SPAG16: variants seen among roughly 807,000 people sequenced by gnomAD.
SPAG16 encodes sperm associated antigen 16, also known as sperm-associated antigen 16 protein.
In SPAG16, 86 loss-of-function variants were observed where a neutral mutation model predicts 80.4. The observed-to-expected ratio is 1.07, with a 90% CI of 0.90 to 1.28. The LOEUF (loss-of-function observed/expected upper bound fraction) is 1.28, where lower values mean the gene tolerates loss of function less well. SPAG16 is among the 50% of genes most tolerant of loss of function. The pLI, the probability that SPAG16 is intolerant of heterozygous loss-of-function variation, is 0.00. For missense variants in SPAG16, 870 were observed against 765.3 expected, an observed-to-expected ratio of 1.14 and a Z score of -1.61; for synonymous variants, 294 against 265.9, an observed-to-expected ratio of 1.11 and a Z score of -1.03.
intron 3 of SPAG16, among the ~76,000 whole-genome samples, chr2:213,309,623 C>T (rs565461054): frequency 2.0e-5 from 3 of 152,026 alleles, no homozygotes; most frequent in South Asian, 2.1e-4. Context: ...AGATACAAAC[C>T]GGAACATAAG....
intron 12 of SPAG16, among the ~76,000 whole-genome samples, chr2:213,944,054 C>A (rs532023343): frequency 6.6e-6 from 1 of 152,322 alleles, no homozygotes; most frequent in Admixed American, 6.5e-5. Flanking sequence ...ATCAGGGCTG[C>A]CACTCTCACC....
chr2:214,248,666 A>G (rs2125843265), intron 15 of SPAG16, among the ~76,000 whole-genome samples: 1 of 152,200 alleles, frequency 6.6e-6, no homozygotes, highest in South Asian at 2.1e-4. Context: ...AAAGCCAACA[A>G]AAAGTCCTCC....
intron 10 of SPAG16, among the ~76,000 whole-genome samples, chr2:213,763,130 TA>T (rs1353778418): frequency 6.6e-6 from 1 of 151,812 alleles, no homozygotes; most frequent in Non-Finnish European, 1.5e-5. Context: ...TAACAGAAAA[TA>T]AAAATTGTAA....
At chr2:213,766,540 T>C (rs2125538468) in intron 10 of SPAG16, among the ~76,000 whole-genome samples, 1 of 152,304 alleles carries the variant, frequency 6.6e-6, no homozygotes, top group Non-Finnish European at 1.5e-5. Context: ...AGTTAAGCCT[T>C]TAATCACTTA....
chr2:214,389,676 C>G (rs1044590752), intron 15 of SPAG16, among the ~76,000 whole-genome samples: 7 of 152,214 alleles, frequency 4.6e-5, no homozygotes, highest in African/African-American at 1.7e-4. Flanking sequence ...TTGACAATAA[C>G]TTGCTTATGT....
In SPAG16 at chr2:213,876,362, T is replaced by G. The variant is rs1043677042; in HGVS notation, c.1214+13734T>G. 4.0e-5 allele frequency among the ~76,000 whole-genome samples: 6 copies of G among 151,214 alleles called. No homozygotes were observed. The East Asian group carries it at 9.7e-4, about 24-fold the overall frequency. On this transcript the variant is annotated intron_variant, in intron 11 of 15. Transcript: ENST00000331683. ...GAAAAAGAATCTTTGTGTAGTTGAATCCTTATCTTGGCTGTTACTTACACA... is the reference window on the plus strand; with the variant it reads ...GAAAAAGAATCTTTGTGTAGTTGAAGCCTTATCTTGGCTGTTACTTACACA...
At chr2:213,836,945 G>GC (rs2074120487) in intron 10 of SPAG16, among the ~76,000 whole-genome samples, 1 of 131,490 alleles carries the variant, frequency 7.6e-6, no homozygotes, top group African/African-American at 2.6e-5. Context: ...CTCCAACAGT[G>GC]CCTTCTCTCT....
At chr2:213,493,516 C>T (rs542152187) in intron 10 of SPAG16, among the ~76,000 whole-genome samples, 2 of 152,280 alleles carry the variant, frequency 1.3e-5, no homozygotes, top group Admixed American at 6.5e-5. Flanking sequence ...TACTCTTACA[C>T]GATGCTTCCC....
intron 10 of SPAG16, among the ~76,000 whole-genome samples, chr2:213,510,317 T>C (rs932539763): frequency 6.6e-6 from 1 of 152,164 alleles, no homozygotes; most frequent in African/African-American, 2.4e-5. Flanking sequence ...TTAATATAAG[T>C]ACTTGGATAG....
chr2:213,473,100 G>T (rs920771049), intron 9 of SPAG16, among the ~76,000 whole-genome samples: 1 of 152,104 alleles, frequency 6.6e-6, no homozygotes, highest in Non-Finnish European at 1.5e-5. Context: ...TCCCTTCTAC[G>T]TAGAAGTTTT....
At chr2:214,040,326 G>T (rs1015929395) in intron 13 of SPAG16, among the ~76,000 whole-genome samples, 1 of 152,066 alleles carries the variant, frequency 6.6e-6, no homozygotes, top group Non-Finnish European at 1.5e-5. Flanking sequence ...AAGTTCAGGG[G>T]TGTAAGTGCA....
chr2:213,309,129 G>A (rs1182394269), intron 3 of SPAG16, among the ~76,000 whole-genome samples: 1 of 151,994 alleles, frequency 6.6e-6, no homozygotes, highest in Non-Finnish European at 1.5e-5. Flanking sequence ...CAGAATTTTT[G>A]GCTATTGGAG....
intron 13 of SPAG16, among the ~76,000 whole-genome samples, chr2:214,106,511 A>G (rs2053391610): frequency 6.6e-6 from 1 of 152,130 alleles, no homozygotes; most frequent in Non-Finnish European, 1.5e-5. Flanking sequence ...TGTAGCATGA[A>G]TTGATTCTTT....
intron 12 of SPAG16, among the ~76,000 whole-genome samples, chr2:213,943,867 C>G (rs773718705): frequency 5.3e-5 from 8 of 152,052 alleles, no homozygotes. Flanking sequence ...TCAACAGAAG[C>G]CAGTTATAGA....
In SPAG16 at chr2:213,978,573, T is replaced by C. The variant is rs184755887; in HGVS notation, c.1401-35378T>C. ...CTTCCAATTTCTAAATTTTGTGTTA[T>C]TTGTCAATTGCTGCATAATAAATCA... On this transcript the variant is annotated intron_variant, in intron 12 of 15. Coordinates refer to ENST00000331683, the MANE Select transcript of SPAG16 (RefSeq NM_024532.5). 6.6e-5 allele frequency among the ~76,000 whole-genome samples: 10 copies of C among 152,282 alleles called. No homozygotes were observed. In the East Asian group the frequency reaches 1.9e-3, roughly 29 times the overall value.
chr2:213,541,919 G>A (rs1244216231), intron 10 of SPAG16, among the ~76,000 whole-genome samples: 1 of 152,214 alleles, frequency 6.6e-6, no homozygotes, highest in Admixed American at 6.5e-5. Context: ...GGCCTGGGGA[G>A]TGGATGGAGA....
chr2:213,521,730 T>A (rs2075678994), intron 10 of SPAG16, among the ~76,000 whole-genome samples: 1 of 152,372 alleles, frequency 6.6e-6, no homozygotes, highest in South Asian at 2.1e-4. Flanking sequence ...GTACTCATTG[T>A]GGTCTGAAGA....
intron 15 of SPAG16, among the ~76,000 whole-genome samples, chr2:214,154,304 A>T (rs557992104): frequency 6.6e-6 from 1 of 152,298 alleles, no homozygotes; most frequent in South Asian, 2.1e-4. Context: ...CAAAGAAGTC[A>T]CATCCTAAGT....
chr2:213,369,740 C>A (rs992034023), intron 8 of SPAG16, among the ~76,000 whole-genome samples: 1 of 152,144 alleles, frequency 6.6e-6, no homozygotes, highest in Middle Eastern at 3.4e-3. Context: ...TTTTTTAGAG[C>A]AGTTTTAGGT....
Sources: gnomAD v4.1 joint callset for allele counts (sites outside exome capture counted in the v4.1 genomes callset) on GRCh38, gnomAD v4.1.1 for gene constraint, MANE v1.5 for transcripts, NCBI Gene and HGNC (gene_info 2026-07-23, HGNC 2026-07-21) for gene names.